Variants in HPS4 observed in about 807,000 individuals in gnomAD.
The protein encoded by HPS4 is HPS4 biogenesis of lysosomal organelles complex 3 subunit 2, also known as BLOC-3 complex member HPS4.
In HPS4, 44 loss-of-function variants were observed where a neutral mutation model predicts 70.3. The observed-to-expected ratio is 0.63, with a 90% CI of 0.49 to 0.80. The LOEUF is 0.80. Ranked by LOEUF, HPS4 falls within the 30% of genes least tolerant of loss-of-function variation. HPS4 has a pLI of 0.00. For synonymous variants in HPS4, 377 were observed against 355.9 expected, an observed-to-expected ratio of 1.06 and a Z score of -0.67; for missense variants, 873 against 884.4, an observed-to-expected ratio of 0.99 and a Z score of 0.16.
At chr22:26,481,653 T>A in intron 2 of HPS4, 69 bp downstream of exon 2, 1 of 1,429,938 alleles carries the variant, frequency 7.0e-7, no homozygotes, top group South Asian at 1.1e-5. Context: ...GCTGGGGATT[T>A]TCAATTAACC....
Position 26,480,430 on chromosome 22 carries a change from C to T in HPS4, c.42-1075G>A, listed in dbSNP as rs8141996. Among the ~76,000 whole-genome samples, 1,379 of 152,252 alleles carry T rather than the reference C, an allele frequency of 9.1e-3. 23 individuals carry two copies. The highest frequency in any genetic ancestry group is 0.032 in the African/African-American group (1,319 of 41,526). ...CTCAAATAATCCTGCCCTGGCCTCC[C>T]AAAGTGCTGGAATTACAGGTGTGAG... is the stretch of plus-strand genomic sequence containing the variant. On this transcript the variant is annotated intron_variant, in intron 2 of 13. Coordinates refer to ENST00000398145, the MANE Select transcript of HPS4 (RefSeq NM_022081.6).
Position 26,452,723 on chromosome 22 carries a change from A to T in HPS4, c.*510T>A, listed in dbSNP as rs1274814721. 2 of 251,380 alleles carry T rather than the reference A, an allele frequency of 8.0e-6. No homozygotes were observed. The highest frequency in any genetic ancestry group is 1.0e-4 in the Admixed American group (2 of 19,292). The allele number at this position is 251,380 out of a possible 1,614,324, so 15.6% of individuals were successfully genotyped here. A position where few individuals can be genotyped will look rare whatever the true frequency, so the allele number is the denominator to read the frequency against. On this transcript the variant is annotated 3_prime_UTR_variant, in exon 14 of 14. Coordinates refer to ENST00000398145, the MANE Select transcript of HPS4 (RefSeq NM_022081.6). ...CCTGCAGGAACGATCCGGACCTCCCAGCAAGAGCGCACTGGAGAAACCTAC... is the reference window on the plus strand; with the variant it reads ...CCTGCAGGAACGATCCGGACCTCCCTGCAAGAGCGCACTGGAGAAACCTAC...
chr22:26,481,834 T>C lies in HPS4; in HGVS notation c.-72A>G. On this transcript the variant is annotated 5_prime_UTR_variant, in exon 2 of 14. Transcript: ENST00000398145. The stretch of plus-strand genomic sequence containing the variant: ...GGTATCACTTCTTTCTCCCTAGCTG[T>C]GACCGTTCCTCTATCCCCCAATCCA... The C allele has an allele frequency of 3.5e-6, 5 of 1,443,744 alleles. No homozygotes were observed. The highest frequency in any genetic ancestry group is 4.9e-6 in the Non-Finnish European group (5 of 1,024,976). The allele number at this position is 1,443,744 out of a possible 1,614,324, so 89.4% of individuals were successfully genotyped here. A position where few individuals can be genotyped will look rare whatever the true frequency, so the allele number is the denominator to read the frequency against.
intron 6 of HPS4, chr22:26,471,377 G>A (rs1035143059): frequency 3.1e-5 from 14 of 456,120 alleles, no homozygotes; most frequent in African/African-American, 2.8e-4. Context: ...GGAGTCAGGG[G>A]CCTAGAAGTC....
chr22:26,464,233 C>A lies in HPS4; in HGVS notation c.1397G>T (p.Arg466Leu). The A allele has an allele frequency of 4.3e-6, 7 of 1,614,140 alleles. No individual in the cohort carries two copies. The highest frequency in any genetic ancestry group is 1.1e-5 in the South Asian group (1 of 91,084). The change falls in exon 11 of 14, where the codon CGC becomes CTC. Residue 466 changes from arginine to leucine, a missense_variant. Arg to Leu is a moderately radical substitution (Grantham distance 102). Transcript: ENST00000398145. The part of the protein sequence containing the change: ...PRADPLPRRT[R>L]RPLLLPRLDP... ...TAAGCGAGGCAATAACAAGGGCCTGCGGGTCCTTCTGGGGAGAGGGTCTGC... is the reference window on the plus strand; with the variant it reads ...TAAGCGAGGCAATAACAAGGGCCTGAGGGTCCTTCTGGGGAGAGGGTCTGC...
At chr22:26,457,299 C>T (rs966424706) in intron 13 of HPS4, among the ~76,000 whole-genome samples, 7 of 150,224 alleles carry the variant, frequency 4.7e-5, no homozygotes, top group African/African-American at 1.5e-4. Flanking sequence ...TCACTATAAC[C>T]TCTGCCACCC....
chr22:26,455,513 A>G (rs1010746650), intron 13 of HPS4, among the ~76,000 whole-genome samples: 15 of 145,864 alleles, frequency 1.0e-4, no homozygotes, highest in Non-Finnish European at 2.2e-4. Context: ...GTTCTCACTC[A>G]TAGGTGGGAA....
At chr22:26,482,602 T>C (rs923595446) in intron 1 of HPS4, 1 of 152,168 alleles carries the variant, frequency 6.6e-6, no homozygotes, top group Non-Finnish European at 1.5e-5. Context: ...GCAGGGCAAA[T>C]TTCTAAAAAA....
Position 26,458,560 on chromosome 22 carries a change from A to G in HPS4, c.1731T>C (p.Ala577=), listed in dbSNP as rs772546709. Residue 577 remains alanine (A), a synonymous_variant, in exon 12 of 14, where the codon GCT becomes GCC. Coordinates refer to ENST00000398145, the MANE Select transcript of HPS4 (RefSeq NM_022081.6). ...GGTGGACTTCCAGCCCATTCAGTGA[A>G]GCCAGGCTGCTGTGGTACTGCAAAG... is the stretch of plus-strand genomic sequence containing the variant. ...AIEEVYHSSL[A]SLNGLEVHLK... The G allele has an allele frequency of 6.2e-7, 1 of 1,614,132 alleles. No individual in the cohort carries two copies. Among genetic ancestry groups the G allele is most frequent in the South Asian group, 1.1e-5 (1 of 91,082 alleles).
At chr22:26,471,271 T>A in intron 6 of HPS4, 1 of 434,160 alleles carries the variant, frequency 2.3e-6, no homozygotes, top group Admixed American at 2.6e-5. Flanking sequence ...TGGCTTGATG[T>A]CTGACCAGGT....
At chr22:26,470,840 C>T (rs745909756) in intron 6 of HPS4, 27 bp from the exon 7 acceptor site, 4 of 1,613,740 alleles carry the variant, frequency 2.5e-6, no homozygotes, top group Non-Finnish European at 3.4e-6. Context: ...GCATCATGCC[C>T]ACCCATCAGC....
At position 26,451,979 on chromosome 22, in the gene HPS4, CCACGTTACGCGCGCGCGCGCGCGCG is replaced by C. The variant is rs1325777845; in HGVS notation, c.*1229_*1253del. ...CCAGGGAAGGAAAAGAGGGATGCGC[CCACGTTACGCGCGCGCGCGCGCGCG>C]CACACACACACACACACACACACAC... On this transcript the variant is annotated 3_prime_UTR_variant, in exon 14 of 14. Coordinates refer to ENST00000398145, the MANE Select transcript of HPS4 (RefSeq NM_022081.6). 5.8e-6 allele frequency: 1 copy of C among 172,708 alleles called. No homozygotes were observed. The highest frequency in any genetic ancestry group is 6.9e-5 in the Admixed American group (1 of 14,552). The allele number at this position is 172,708 out of a possible 1,614,324, so 10.7% of individuals were successfully genotyped here.
chr22:26,472,933 C>T lies in HPS4; in HGVS notation c.283G>A (p.Gly95Ser), dbSNP rs563251161. Residue 95 changes from glycine to serine, a missense_variant, in exon 5 of 14, where the codon GGC (glycine) becomes AGC (serine). Coordinates refer to ENST00000398145, the MANE Select transcript of HPS4 (RefSeq NM_022081.6). Reference sequence around the variant, plus strand: ...ACATCAGGGAGCTCCACAGCACAGCCCAGCACCTGTAAAGAGAGAAACCAG... The same window carrying T: ...ACATCAGGGAGCTCCACAGCACAGCTCAGCACCTGTAAAGAGAGAAACCAG... ...KVDGDYLWVL[G>S]CAVELPDVSC... is the part of the protein sequence containing the mutation. 4.3e-6 allele frequency: 7 copies of T among 1,613,922 alleles called. No homozygotes were observed. The East Asian group carries it at 1.1e-4, about 26-fold the overall frequency.
At chr22:26,461,933 C>G (rs2087362749) in intron 11 of HPS4, among the ~76,000 whole-genome samples, 1 of 152,048 alleles carries the variant, frequency 6.6e-6, no homozygotes. Context: ...TCGAGACCAG[C>G]CTGACCAACA....
At chr22:26,481,472 T>C (rs1419411935) in intron 2 of HPS4, among the ~76,000 whole-genome samples, 1 of 152,236 alleles carries the variant, frequency 6.6e-6, no homozygotes, top group Admixed American at 6.5e-5. Context: ...GATCAGGCTG[T>C]GGCTATCTTT....
intron 13 of HPS4, among the ~76,000 whole-genome samples, chr22:26,454,467 A>G (rs2085730701): frequency 6.6e-6 from 1 of 152,270 alleles, no homozygotes; most frequent in South Asian, 2.1e-4. Context: ...TTTGTTTTAA[A>G]GAATGAGATT....
intron 5 of HPS4, 111 bp downstream of exon 5, chr22:26,472,721 C>A: frequency 1.1e-6 from 1 of 899,518 alleles, no homozygotes; most frequent in Non-Finnish European, 1.9e-6. Flanking sequence ...TGTCCCCAGA[C>A]ACAATGTGTT....
At chr22:26,459,249 T>C (rs2086795666) in intron 11 of HPS4, among the ~76,000 whole-genome samples, 2 of 152,208 alleles carry the variant, frequency 1.3e-5, no homozygotes, top group Admixed American at 6.5e-5. Flanking sequence ...CACTTGATGG[T>C]TCAGAAGAGG....
chr22:26,449,147 AC>A (rs1156596965), downstream of HPS4, among the ~76,000 whole-genome samples: 1 of 151,700 alleles, frequency 6.6e-6, no homozygotes, highest in Non-Finnish European at 1.5e-5. Flanking sequence ...CCCGCCCCAA[AC>A]CTCATCAGTG....
Sources: allele counts gnomAD v4.1 joint callset (sites outside exome capture counted in the v4.1 genomes callset), GRCh38; gene constraint gnomAD v4.1.1; transcripts MANE v1.5; gene names NCBI Gene and HGNC (gene_info 2026-07-23, HGNC 2026-07-21).